DNMBP: variants seen among roughly 807,000 people sequenced by gnomAD.
The protein encoded by DNMBP is dynamin-binding protein.
In DNMBP, 87 loss-of-function variants were observed where a neutral mutation model predicts 150.0. That is an observed-to-expected ratio of 0.58 (90% CI 0.49 to 0.69). The LOEUF (loss-of-function observed/expected upper bound fraction) is 0.69, where lower values mean the gene tolerates loss of function less well. DNMBP is among the 30% of genes least tolerant of loss of function. The probability of loss-of-function intolerance (pLI) is 0.00; values close to 1 mark genes in which losing one functional copy is unlikely to be tolerated. For synonymous variants in DNMBP, 711 were observed against 750.4 expected, an observed-to-expected ratio of 0.95 and a Z score of 0.86; for missense variants, 1,774 against 1,949.0, an observed-to-expected ratio of 0.91 and a Z score of 1.69.
At chr10:99,914,032 G>A in intron 4 of DNMBP, 1 of 1,505,776 alleles carries the variant, frequency 6.6e-7, no homozygotes, top group Non-Finnish European at 8.9e-7. Context: ...CCAGAGCTCT[G>A]GAATGCTCCA....
At chr10:99,989,115 G>A (rs1190857882) in intron 1 of DNMBP, among the ~76,000 whole-genome samples, 3 of 152,150 alleles carry the variant, frequency 2.0e-5, no homozygotes, top group African/African-American at 7.2e-5. Context: ...TACAAGATGT[G>A]TAATTATATG....
chr10:99,948,543 G>T (rs1239305922), intron 4 of DNMBP, among the ~76,000 whole-genome samples: 1 of 152,066 alleles, frequency 6.6e-6, no homozygotes, highest in African/African-American at 2.4e-5. Context: ...AAGATAATCA[G>T]ACACACAAAG....
In DNMBP at chr10:99,886,638, G is replaced by C. The variant is rs1415810762; in HGVS notation, c.3286-6C>G. 6.2e-7 allele frequency: 1 copy of C among 1,607,918 alleles called. No individual in the cohort carries two copies. Among genetic ancestry groups the C allele is most frequent in the South Asian group, 1.1e-5 (1 of 90,836 alleles). On this transcript the variant is annotated splice_polypyrimidine_tract_variant and splice_region_variant and intron_variant, in intron 12 of 16. Coordinates refer to ENST00000324109, the MANE Select transcript of DNMBP (RefSeq NM_015221.4). ...AGCCGCTCTGTCCTCTCCTTCTGTAGGGACGAGAAAGGCACATTGCTCAGC... is the reference window on the plus strand; with the variant it reads ...AGCCGCTCTGTCCTCTCCTTCTGTACGGACGAGAAAGGCACATTGCTCAGC...
intron 2 of DNMBP, 119 bp downstream of exon 2, chr10:99,971,860 CT>C (rs111359576): frequency 0.14 from 95,692 of 672,092 alleles, no homozygotes; most frequent in East Asian, 0.21. Context: ...TTCTTTCTTT[CT>C]TTTTTTTTTT....
chr10:99,889,687 C>T (rs1414993439), intron 11 of DNMBP, among the ~76,000 whole-genome samples: 2 of 152,172 alleles, frequency 1.3e-5, no homozygotes, highest in African/African-American at 2.4e-5. Context: ...CCCATCTCTA[C>T]AATGCTGGGC....
At chr10:100,006,040 A>G (rs932129818) in intron 1 of DNMBP, among the ~76,000 whole-genome samples, 2 of 152,198 alleles carry the variant, frequency 1.3e-5, no homozygotes, top group African/African-American at 2.4e-5. Flanking sequence ...TCCTTCCCCA[A>G]AGTTCCCAAT....
intron 4 of DNMBP, among the ~76,000 whole-genome samples, chr10:99,909,701 A>C (rs1000958323): frequency 1.3e-5 from 2 of 152,218 alleles, no homozygotes; most frequent in African/African-American, 4.8e-5. Context: ...CATATAATGA[A>C]ATAGGTAAAA....
intron 4 of DNMBP, among the ~76,000 whole-genome samples, chr10:99,950,867 AG>A (rs1174533391): frequency 6.6e-6 from 1 of 152,242 alleles, no homozygotes; most frequent in Non-Finnish European, 1.5e-5. Flanking sequence ...TTTCCTGAAG[AG>A]AAAAACCAGC....
At chr10:99,936,515 C>CTTTTTTT (rs34804787) in intron 4 of DNMBP, among the ~76,000 whole-genome samples, 9 of 134,350 alleles carry the variant, frequency 6.7e-5, no homozygotes, top group Non-Finnish European at 1.1e-4. Flanking sequence ...TTTCTTTTTT[C>CTTTTTTT]TTTTTTTTTT....
chr10:99,884,327 T>A, intron 14 of DNMBP, 118 bp from the exon 15 acceptor site: 1 of 849,706 alleles, frequency 1.2e-6, no homozygotes, highest in Non-Finnish European at 1.8e-6. Context: ...ACTGCCCATC[T>A]CACTCCCATC....
intron 11 of DNMBP, among the ~76,000 whole-genome samples, chr10:99,893,529 A>G (rs903200659): frequency 6.6e-6 from 1 of 152,190 alleles, no homozygotes; most frequent in African/African-American, 2.4e-5. Flanking sequence ...AAGTCAAGAG[A>G]TCGACACCAT....
At chr10:99,927,071 C>T (rs923242038) in intron 4 of DNMBP, 3 of 152,376 alleles carry the variant, frequency 2.0e-5, no homozygotes, top group Admixed American at 2.0e-4. Flanking sequence ...AAAGGAAAGC[C>T]TGGGGGAAAA....
Position 99,886,260 on chromosome 10 carries a change from G to T in DNMBP, c.3618+40C>A, listed in dbSNP as rs530932367. The stretch of plus-strand genomic sequence containing the variant: ...TTTCCCAGAAAAATACCAGGCAAAG[G>T]CTATAGATGACCATCCCACTGAACA... On this transcript the variant is annotated intron_variant, in intron 13 of 16. Transcript: ENST00000324109. 1.0e-5 allele frequency: 16 copies of T among 1,525,218 alleles called. No homozygotes were observed. The African/African-American group carries it at 2.1e-4, about 20-fold the overall frequency. 94.5% of individuals were successfully genotyped at this position (1,525,218 alleles called of 1,614,324 possible). A position where few individuals can be genotyped will look rare whatever the true frequency, so the allele number is the denominator to read the frequency against.
At chr10:100,000,088 A>G (rs1033986510) in intron 1 of DNMBP, among the ~76,000 whole-genome samples, 3 of 152,240 alleles carry the variant, frequency 2.0e-5, no homozygotes, top group African/African-American at 7.2e-5. Context: ...CTTGCTTTAG[A>G]AAACAGTGAC....
intron 4 of DNMBP, among the ~76,000 whole-genome samples, chr10:99,948,187 T>C (rs1406049176): frequency 4.6e-5 from 7 of 152,230 alleles, no homozygotes; most frequent in African/African-American, 7.2e-5. Context: ...TATCACGACA[T>C]TGTGGCTCAC....
intron 4 of DNMBP, among the ~76,000 whole-genome samples, chr10:99,952,185 C>G (rs1385166113): frequency 6.6e-6 from 1 of 152,190 alleles, no homozygotes; most frequent in Non-Finnish European, 1.5e-5. Context: ...GAGGCCTCCC[C>G]AACCATGTGG....
In DNMBP at chr10:99,886,611, C is replaced by T. The variant is rs201493282; in HGVS notation, c.3307G>A (p.Val1103Ile). Residue 1103 changes from valine (V) to isoleucine (I), a missense_variant, in exon 13 of 17, where the codon GTC becomes ATC. By Grantham distance (29) the Val-to-Ile change is conservative (BLOSUM62 3). Transcript: ENST00000324109. ...AGTAACTGATTTAAGGGGGAGATGA[C>T]AAGCCGCTCTGTCCTCTCCTTCTGT... ...TNFKERTERL[V>I]ISPLNQLLSM... 2 of 1,594,492 alleles carry T rather than the reference C, an allele frequency of 1.3e-6. No homozygotes were observed. The highest frequency in any genetic ancestry group is 1.7e-6 in the Non-Finnish European group (2 of 1,172,732).
chr10:99,944,881 T>C (rs939074789), intron 4 of DNMBP, among the ~76,000 whole-genome samples: 1 of 152,220 alleles, frequency 6.6e-6, no homozygotes. Context: ...TCTACATTAT[T>C]TGGATCAGTC....
intron 1 of DNMBP, among the ~76,000 whole-genome samples, chr10:99,986,339 A>G (rs1008929415): frequency 6.6e-6 from 1 of 151,954 alleles, no homozygotes; most frequent in African/African-American, 2.4e-5. Flanking sequence ...GTGAGACCCC[A>G]TCTCTGGAAA....
Sources: allele counts gnomAD v4.1 joint callset (sites outside exome capture counted in the v4.1 genomes callset), GRCh38; gene constraint gnomAD v4.1.1; transcripts MANE v1.5; gene names NCBI Gene and HGNC (gene_info 2026-07-23, HGNC 2026-07-21).